COX7B2: variants seen among roughly 807,000 people sequenced by gnomAD.
COX7B2 encodes cytochrome c oxidase subunit 7B2.
For synonymous variants in COX7B2, 37 were observed against 32.1 expected, an observed-to-expected ratio of 1.15 and a Z score of -0.51; for missense variants, 109 against 95.9, an observed-to-expected ratio of 1.14 and a Z score of -0.57.
chr4:46,864,318 A>G (rs2109807693), intron 1 of COX7B2, among the ~76,000 whole-genome samples: 1 of 152,024 alleles, frequency 6.6e-6, no homozygotes, highest in South Asian at 2.1e-4. Flanking sequence ...TGTTACCTAC[A>G]CTTGTGAGTC....
chr4:46,783,971 T>C (rs1024255525), intron 2 of COX7B2, among the ~76,000 whole-genome samples: 3 of 152,230 alleles, frequency 2.0e-5, no homozygotes, highest in African/African-American at 7.2e-5. Flanking sequence ...GATGACATGA[T>C]TGGGACAGTA....
chr4:46,841,869 A>G (rs532859893), intron 2 of COX7B2, among the ~76,000 whole-genome samples: 13 of 152,088 alleles, frequency 8.5e-5, no homozygotes, highest in Admixed American at 6.6e-4. Context: ...AAAATCAAAA[A>G]ATAATTCTTA....
At chr4:46,886,187 C>T (rs920827636) in intron 1 of COX7B2, among the ~76,000 whole-genome samples, 1 of 152,136 alleles carries the variant, frequency 6.6e-6, no homozygotes, top group African/African-American at 2.4e-5. Context: ...CATTCAGATT[C>T]TTCTGTATAA....
chr4:46,847,626 C>T (rs1487107748), intron 1 of COX7B2, among the ~76,000 whole-genome samples: 1 of 152,016 alleles, frequency 6.6e-6, no homozygotes, highest in Non-Finnish European at 1.5e-5. Context: ...ATTTGTTATG[C>T]ACCAATGGAA....
At chr4:46,739,429 A>T (rs1402282081) in intron 2 of COX7B2, among the ~76,000 whole-genome samples, 1 of 152,194 alleles carries the variant, frequency 6.6e-6, no homozygotes, top group Non-Finnish European at 1.5e-5. Context: ...TTTGCTATTT[A>T]TTTACCTATT....
At chr4:46,749,594 T>C (rs965154798) in intron 2 of COX7B2, among the ~76,000 whole-genome samples, 1 of 152,180 alleles carries the variant, frequency 6.6e-6, no homozygotes, top group Non-Finnish European at 1.5e-5. Flanking sequence ...GGATTGTTAG[T>C]TTGCATCTGA....
At chr4:46,876,161 AG>A (rs1337375825) in intron 1 of COX7B2, among the ~76,000 whole-genome samples, 1 of 152,162 alleles carries the variant, frequency 6.6e-6, no homozygotes, top group Non-Finnish European at 1.5e-5. Context: ...AAAGAACAAA[AG>A]GTTTTAAAAA....
intron 2 of COX7B2, among the ~76,000 whole-genome samples, chr4:46,835,390 A>G (rs942662671): frequency 2.0e-5 from 3 of 149,496 alleles, no homozygotes; most frequent in African/African-American, 4.9e-5. Flanking sequence ...TTAAAATCAG[A>G]AAAAAAAAAT....
At chr4:46,791,287 G>A (rs535413722) in intron 2 of COX7B2, among the ~76,000 whole-genome samples, 6 of 152,048 alleles carry the variant, frequency 3.9e-5, no homozygotes, top group Non-Finnish European at 8.8e-5. Flanking sequence ...GGGATTACAG[G>A]CGTGAGCCAC....
At chr4:46,803,732 CT>C (rs5858039) in intron 2 of COX7B2, among the ~76,000 whole-genome samples, 67,054 of 123,218 alleles carry the variant, frequency 0.54, 17,880 homozygotes, top group South Asian at 0.69. Flanking sequence ...GGTTTACTTT[CT>C]TTTTTTTTTT....
chr4:46,792,884 T>TAG (rs1718123913), intron 2 of COX7B2, among the ~76,000 whole-genome samples: 1 of 152,140 alleles, frequency 6.6e-6, no homozygotes, highest in South Asian at 2.1e-4. Flanking sequence ...TTTCCAGTAA[T>TAG]AGAGCACTGA....
chr4:46,874,118 C>T (rs1718174588), intron 1 of COX7B2, among the ~76,000 whole-genome samples: 1 of 152,010 alleles, frequency 6.6e-6, no homozygotes, highest in South Asian at 2.1e-4. Context: ...CATATCCATA[C>T]ATTTCGTTGT....
chr4:46,816,335 C>G lies in COX7B2; in HGVS notation c.-50+28625G>C, dbSNP rs186481361. ...TTATGTTATTGGGCTGTTCTCTCGG[C>G]CTTGAATGACCCCTCTTAATTCTTT... is the stretch of plus-strand genomic sequence containing the variant. On this transcript the variant is annotated intron_variant, in intron 2 of 2. Transcript: ENST00000355591. Among the ~76,000 whole-genome samples, 6 of 152,214 alleles carry G rather than the reference C, an allele frequency of 3.9e-5. No homozygotes were observed. The East Asian group carries it at 9.7e-4, about 25-fold the overall frequency.
At chr4:46,829,422 T>G in intron 2 of COX7B2, among the ~76,000 whole-genome samples, 1 of 152,202 alleles carries the variant, frequency 6.6e-6, no homozygotes, top group East Asian at 1.9e-4. Context: ...AGAAAATTGT[T>G]GATACAACTC....
chr4:46,755,456 C>T (rs1444376669), intron 2 of COX7B2, among the ~76,000 whole-genome samples: 1 of 151,916 alleles, frequency 6.6e-6, no homozygotes, highest in African/African-American at 2.4e-5. Context: ...GCACTAGAAA[C>T]CCTCAACAGA....
chr4:46,843,238 T>C (rs563833643), intron 2 of COX7B2, among the ~76,000 whole-genome samples: 15 of 152,124 alleles, frequency 9.9e-5, no homozygotes, highest in African/African-American at 3.6e-4. Flanking sequence ...TCACTAAGCC[T>C]CATCAATAAT....
At chr4:46,792,414 C>G (rs559463785) in intron 2 of COX7B2, among the ~76,000 whole-genome samples, 2 of 152,124 alleles carry the variant, frequency 1.3e-5, no homozygotes, top group Non-Finnish European at 2.9e-5. Flanking sequence ...TTGTCCTCCC[C>G]AATGAGGGTG....
At chr4:46,835,345 G>A (rs938578684) in intron 2 of COX7B2, among the ~76,000 whole-genome samples, 5 of 151,920 alleles carry the variant, frequency 3.3e-5, no homozygotes, top group Non-Finnish European at 7.4e-5. Flanking sequence ...TGTTTCTCTA[G>A]TGCGTAAACA....
At chr4:46,818,873 A>C (rs764378440) in intron 2 of COX7B2, among the ~76,000 whole-genome samples, 81 of 152,230 alleles carry the variant, frequency 5.3e-4, no homozygotes, top group Non-Finnish European at 8.4e-4. Flanking sequence ...TAGATATGCC[A>C]GTGTTGCATG....
Sources: gnomAD v4.1 joint callset for allele counts (sites outside exome capture counted in the v4.1 genomes callset) on GRCh38, gnomAD v4.1.1 for gene constraint, MANE v1.5 for transcripts, NCBI Gene and HGNC (gene_info 2026-07-23, HGNC 2026-07-21) for gene names.